GUCA1C: variants seen among roughly 807,000 people sequenced by gnomAD.
GUCA1C encodes guanylyl cyclase-activating protein 3.
A neutral mutation model predicts 16.2 loss-of-function variants in GUCA1C; 15 were observed. The observed-to-expected ratio is 0.93, with a 90% confidence interval of 0.62 to 1.43. GUCA1C has a LOEUF of 1.43. GUCA1C is among the 40% of genes most tolerant of loss of function. The probability of loss-of-function intolerance (pLI) is 0.00; values close to 1 mark genes in which losing one functional copy is unlikely to be tolerated. For missense variants in GUCA1C, 275 were observed against 244.8 expected (o/e 1.12, Z -0.82); for synonymous variants, 78 against 85.4 (o/e 0.91, Z 0.48).
chr3:108,915,920 C>G (rs1946505206), intron 3 of GUCA1C: 3 of 577,500 alleles, frequency 5.2e-6, no homozygotes, highest in African/African-American at 3.7e-5. Flanking sequence ...CCCAACATGT[C>G]AAGCACCACA....
intron 1 of GUCA1C, among the ~76,000 whole-genome samples, chr3:108,939,323 G>GTTTTTTTTTTTTTT (rs1491279760): frequency 2.4e-4 from 8 of 33,222 alleles, no homozygotes; most frequent in African/African-American, 8.4e-4. Context: ...TTGCTTCAAG[G>GTTTTTTTTTTTTTT]CTTTTTTTTT....
intron 1 of GUCA1C, among the ~76,000 whole-genome samples, chr3:108,938,425 C>A (rs990823442): frequency 4.6e-5 from 7 of 151,932 alleles, no homozygotes; most frequent in African/African-American, 1.7e-4. Flanking sequence ...GTAAGGAAAC[C>A]CAGACGGCTA....
At chr3:108,946,278 C>T (rs1488453785) in intron 1 of GUCA1C, among the ~76,000 whole-genome samples, 2 of 152,096 alleles carry the variant, frequency 1.3e-5, no homozygotes, top group East Asian at 1.9e-4. Context: ...TAGATGTGAG[C>T]CACTGTGCCC....
At chr3:108,911,204 T>C (rs1176143711) in intron 3 of GUCA1C, among the ~76,000 whole-genome samples, 1 of 152,122 alleles carries the variant, frequency 6.6e-6, no homozygotes, top group Non-Finnish European at 1.5e-5. Context: ...TGCAATCCGG[T>C]TACCTGTTGA....
At position 108,929,237 on chromosome 3, in the gene GUCA1C, A is replaced by G. The variant is rs1946646543; in HGVS notation, c.205-8652T>C. Among the ~76,000 whole-genome samples, 3 of 152,182 alleles carry G rather than the reference A, an allele frequency of 2.0e-5. No individual in the cohort carries two copies. The South Asian group carries it at 6.2e-4, about 32-fold the overall frequency. On this transcript the variant is annotated intron_variant, in intron 1 of 3. Transcript: ENST00000261047. ...TTAACTCCACTTATTTATTGCTGGTATATAGGAAAGTGATGACTGATGACT... is the reference window on the plus strand; with the variant it reads ...TTAACTCCACTTATTTATTGCTGGTGTATAGGAAAGTGATGACTGATGACT...
chr3:108,931,862 C>CTT (rs560213627), intron 1 of GUCA1C, among the ~76,000 whole-genome samples: 11 of 111,428 alleles, frequency 9.9e-5, no homozygotes, highest in South Asian at 2.5e-4. Flanking sequence ...TTTTTTCTTC[C>CTT]TTCTTTTTTT....
At chr3:108,949,821 C>T (rs1240600220) in intron 1 of GUCA1C, among the ~76,000 whole-genome samples, 1 of 152,038 alleles carries the variant, frequency 6.6e-6, no homozygotes, top group Non-Finnish European at 1.5e-5. Context: ...TATGTGTATT[C>T]AATGTGAGAT....
intron 2 of GUCA1C, among the ~76,000 whole-genome samples, chr3:108,918,044 C>CA (rs1224509392): frequency 4.6e-5 from 7 of 151,580 alleles, no homozygotes; most frequent in Non-Finnish European, 1.0e-4. Context: ...GACTCCGTCT[C>CA]AAAAAAATAA....
intron 1 of GUCA1C, among the ~76,000 whole-genome samples, chr3:108,936,175 T>A (rs1946725644): frequency 2.6e-5 from 4 of 152,084 alleles, no homozygotes; most frequent in Admixed American, 2.6e-4. Context: ...AGTGAAAGGA[T>A]CACCTGAGCC....
intron 1 of GUCA1C, among the ~76,000 whole-genome samples, chr3:108,949,590 T>G (rs1946876711): frequency 6.6e-6 from 1 of 152,268 alleles, no homozygotes; most frequent in South Asian, 2.1e-4. Context: ...CATTGGTCAA[T>G]TACATTCCCC....
chr3:108,909,008 A>T (rs889727852), intron 3 of GUCA1C, among the ~76,000 whole-genome samples: 7 of 152,220 alleles, frequency 4.6e-5, no homozygotes, highest in African/African-American at 1.7e-4. Context: ...AGATCAGCCA[A>T]AGACGGACGG....
At chr3:108,946,049 T>C (rs1946841115) in intron 1 of GUCA1C, among the ~76,000 whole-genome samples, 1 of 152,338 alleles carries the variant, frequency 6.6e-6, no homozygotes, top group African/African-American at 2.4e-5. Flanking sequence ...TCTGAGCTAA[T>C]GAAGGATTCG....
intron 2 of GUCA1C, among the ~76,000 whole-genome samples, chr3:108,917,035 G>C (rs1001255168): frequency 2.0e-5 from 3 of 152,114 alleles, no homozygotes; most frequent in Non-Finnish European, 2.9e-5. Flanking sequence ...TGAGTTCCAG[G>C]AGTAATCATA....
intron 1 of GUCA1C, among the ~76,000 whole-genome samples, chr3:108,943,121 T>C (rs967251451): frequency 7.2e-5 from 11 of 152,100 alleles, no homozygotes; most frequent in African/African-American, 2.7e-4. Context: ...GAATGCATAA[T>C]TAGAGAGAGT....
At chr3:108,908,739 A>G (rs1559838000) in intron 3 of GUCA1C, among the ~76,000 whole-genome samples, 1 of 152,158 alleles carries the variant, frequency 6.6e-6, no homozygotes, top group African/African-American at 2.4e-5. Flanking sequence ...TCCTGATCTT[A>G]TCACCTTGAC....
chr3:108,927,389 A>G (rs1946632104), intron 1 of GUCA1C, among the ~76,000 whole-genome samples: 1 of 149,050 alleles, frequency 6.7e-6, no homozygotes, highest in South Asian at 2.2e-4. Context: ...GACATTTAAC[A>G]TAGTCCCAAA....
At chr3:108,912,103 C>CAATAATAATAAAATAATAATAAT (rs1553732654) in intron 3 of GUCA1C, among the ~76,000 whole-genome samples, 1 of 125,700 alleles carries the variant, frequency 8.0e-6, no homozygotes, top group Admixed American at 8.4e-5. Context: ...GACTCCGTCT[C>CAATAATAATAAAATAATAATAAT]AATAATAATA....
At chr3:108,939,394 T>C (rs112987852) in intron 1 of GUCA1C, among the ~76,000 whole-genome samples, 8,577 of 136,090 alleles carry the variant, frequency 0.063, 474 homozygotes, top group African/African-American at 0.15. Context: ...TGCAGTGGCA[T>C]GCTCTCACTG....
rs769567409 is a variant in GUCA1C at position 108,920,469 on chromosome 3, A to G, written c.321T>C (p.Ser107=). The G allele has an allele frequency of 9.9e-6, 16 of 1,608,718 alleles. No individual in the cohort carries two copies. The highest frequency in any genetic ancestry group is 1.7e-5 in the Admixed American group (1 of 59,928). The change falls in exon 2 of 4, where the codon TCT becomes TCC. Residue 107 remains serine (S), a synonymous_variant. Transcript: ENST00000261047. ...TGTCCAGTAGTTCATTTTTGTCAAT[A>G]GAACCATTTCCATCAGCATCATACA... ...FKLYDADGNG[S]IDKNELLDMF... is the part of the protein sequence containing the mutation.
Sources: allele counts gnomAD v4.1 joint callset (sites outside exome capture counted in the v4.1 genomes callset), GRCh38; gene constraint gnomAD v4.1.1; transcripts MANE v1.5; gene names NCBI Gene and HGNC (gene_info 2026-07-23, HGNC 2026-07-21).